The following RRM1 variants were observed in gnomAD, a reference collection of about 807,000 sequenced individuals.
RRM1 encodes ribonucleoside-diphosphate reductase large subunit.
In RRM1, 19 loss-of-function variants were observed where a neutral mutation model predicts 101.5. That is an observed-to-expected ratio of 0.19 (90% CI 0.13 to 0.27). The LOEUF (loss-of-function observed/expected upper bound fraction) is 0.27. Among genes scored for constraint, RRM1 ranks in the 10% least tolerant of loss-of-function variants. RRM1 has a pLI of 1.00. For synonymous variants in RRM1, 298 were observed against 323.4 expected (o/e 0.92, Z 0.84); for missense variants, 500 against 962.9 (o/e 0.52, Z 6.36).
chr11:4,126,580 T>A (rs914005080), intron 12 of RRM1, 104 bp from the exon 13 acceptor site: 2 of 1,025,804 alleles, frequency 1.9e-6, no homozygotes, highest in South Asian at 1.9e-5. Context: ...TATAAAAATT[T>A]AAAATTTTAA....
At chr11:4,123,980 TGAGA>T (rs1229026537) in intron 12 of RRM1, among the ~76,000 whole-genome samples, 1 of 152,124 alleles carries the variant, frequency 6.6e-6, no homozygotes, top group Non-Finnish European at 1.5e-5. Context: ...AAAAAAAGTT[TGAGA>T]GAGGAGCTTT....
intron 1 of RRM1, among the ~76,000 whole-genome samples, chr11:4,101,098 G>T (rs2094550287): frequency 6.6e-6 from 1 of 151,976 alleles, no homozygotes; most frequent in Admixed American, 6.6e-5. Context: ...AGGGGAAGGG[G>T]GATAAGAAGA....
intron 5 of RRM1, among the ~76,000 whole-genome samples, chr11:4,110,483 A>T (rs991425819): frequency 6.6e-6 from 1 of 152,140 alleles, no homozygotes; most frequent in Admixed American, 6.5e-5. Flanking sequence ...AGTGCCTATA[A>T]CAGGCTGGGC....
At chr11:4,134,213 C>T (rs1486289210) in intron 17 of RRM1, among the ~76,000 whole-genome samples, 1 of 152,064 alleles carries the variant, frequency 6.6e-6, no homozygotes, top group Non-Finnish European at 1.5e-5. Context: ...CTCAGGTGAT[C>T]CGCCTGCCTT....
chr11:4,111,734 C>T, intron 6 of RRM1, 94 bp downstream of exon 6: 1 of 1,269,644 alleles, frequency 7.9e-7, no homozygotes, highest in Non-Finnish European at 1.1e-6. Flanking sequence ...TGCTTAGACT[C>T]TAGATAACAT....
At chr11:4,133,724 A>G (rs531416551) in intron 17 of RRM1, 66 bp downstream of exon 17, 1 of 861,100 alleles carries the variant, frequency 1.2e-6, no homozygotes, top group African/African-American at 1.7e-5. Flanking sequence ...CTCCTCACTC[A>G]TGCTAGACAA....
chr11:4,116,716 A>T (rs1051692835), intron 7 of RRM1, among the ~76,000 whole-genome samples: 1 of 152,166 alleles, frequency 6.6e-6, no homozygotes, highest in African/African-American at 2.4e-5. Flanking sequence ...TCTGCCTGTA[A>T]TTCCAACACT....
At chr11:4,097,336 C>T (rs921076534) in intron 1 of RRM1, among the ~76,000 whole-genome samples, 1 of 147,356 alleles carries the variant, frequency 6.8e-6, no homozygotes, top group African/African-American at 2.5e-5. Flanking sequence ...CTCTAAAAAG[C>T]AGAGCTTATT....
intron 17 of RRM1, among the ~76,000 whole-genome samples, chr11:4,134,528 A>ATGTT (rs2094605832): frequency 6.6e-6 from 1 of 152,214 alleles, no homozygotes; most frequent in Admixed American, 6.5e-5. Context: ...GTCCTATAAC[A>ATGTT]GTTCCATATT....
intron 15 of RRM1, among the ~76,000 whole-genome samples, chr11:4,131,618 A>C (rs73419298): frequency 2.6e-5 from 4 of 152,182 alleles, no homozygotes; most frequent in Non-Finnish European, 4.4e-5. Context: ...TAAAATTGCT[A>C]TCAATTAGGC....
chr11:4,095,592 T>C (rs562469746), intron 1 of RRM1, among the ~76,000 whole-genome samples: 91 of 152,170 alleles, frequency 6.0e-4, no homozygotes, highest in Non-Finnish European at 1.0e-3. Flanking sequence ...GAGTGTGGCG[T>C]GGAAAAAACA....
Position 4,112,109 on chromosome 11 carries a change from G to A in RRM1, c.650+47G>A, listed in dbSNP as rs780356241. The A allele has an allele frequency of 5.5e-6, 8 of 1,446,506 alleles. No individual in the cohort carries two copies. In the African/African-American group the frequency reaches 7.1e-5, roughly 13 times the overall value. The allele number at this position is 1,446,506 out of a possible 1,614,324, so 89.6% of individuals were successfully genotyped here. A position where few individuals can be genotyped will look rare whatever the true frequency, so the allele number is the denominator to read the frequency against. ...ATACGCCTTGACCTGAAGAAACTGG[G>A]CAGTTAGTTCATCACATAAAAAATA... On this transcript the variant is annotated intron_variant, in intron 7 of 18. Coordinates refer to ENST00000300738, the MANE Select transcript of RRM1 (RefSeq NM_001033.5).
At chr11:4,107,709 C>T (rs1272596593) in intron 4 of RRM1, 174 bp downstream of exon 4, 4 of 583,252 alleles carry the variant, frequency 6.9e-6, no homozygotes, top group African/African-American at 5.6e-5. Context: ...TGTATTTTTC[C>T]AGAGCTATTT....
At chr11:4,096,812 C>G (rs1003887929) in intron 1 of RRM1, among the ~76,000 whole-genome samples, 1 of 151,810 alleles carries the variant, frequency 6.6e-6, no homozygotes, top group African/African-American at 2.4e-5. Flanking sequence ...GCTTGAGCAT[C>G]TATTTTTTAA....
In RRM1 at chr11:4,121,690, A is replaced by G. The variant is rs2094582100; in HGVS notation, c.963A>G (p.Glu321=). The G allele has an allele frequency of 3.1e-6, 5 of 1,613,952 alleles. No individual in the cohort carries two copies. The highest frequency in any genetic ancestry group is 8.5e-7 in the Non-Finnish European group (1 of 1,179,912). Residue 321 remains glutamate, a synonymous_variant, in exon 10 of 19, where the codon GAA becomes GAG. Coordinates refer to ENST00000300738, the MANE Select transcript of RRM1 (RefSeq NM_001033.5). ...FLDLKKNTGK[E]EQRARDLFFA... is the part of the protein sequence containing the mutation. Reference sequence around the variant, plus strand: ...ATTTAAAGAAGAACACAGGAAAGGAAGAGCAGCGTGCCAGAGATCTTTTCT... The same window carrying G: ...ATTTAAAGAAGAACACAGGAAAGGAGGAGCAGCGTGCCAGAGATCTTTTCT...
At chr11:4,130,076 ATATATATATATTTTTT>A (rs1190278866) in intron 15 of RRM1, among the ~76,000 whole-genome samples, 3 of 94,702 alleles carry the variant, frequency 3.2e-5, no homozygotes, top group Non-Finnish European at 5.8e-5. Context: ...TTATATATAT[ATATATATATATTTTTT>A]TTTTTTTTTT....
chr11:4,106,257 C>G (rs773588181), intron 3 of RRM1, 34 bp downstream of exon 3: 1 of 1,545,928 alleles, frequency 6.5e-7, no homozygotes, highest in Non-Finnish European at 8.9e-7. Flanking sequence ...AAATTTAGTA[C>G]TCTCAGAAAA....
chr11:4,121,708 T>C lies in RRM1; in HGVS notation c.981T>C (p.Asp327=). 1 of 1,613,706 alleles carries C rather than the reference T, an allele frequency of 6.2e-7. No individual in the cohort carries two copies. The highest frequency in any genetic ancestry group is 1.1e-5 in the South Asian group (1 of 90,984). ...NTGKEEQRAR[D]LFFALWIPDL... is the part of the protein sequence containing the mutation. Reference sequence around the variant, plus strand: ...GAAAGGAAGAGCAGCGTGCCAGAGATCTTTTCTTTGCTCTTTGGATTCCGG... The same window carrying C: ...GAAAGGAAGAGCAGCGTGCCAGAGACCTTTTCTTTGCTCTTTGGATTCCGG... Residue 327 remains aspartate (D), a synonymous_variant, in exon 10 of 19, where the codon GAT becomes GAC. Transcript: ENST00000300738.
rs756725882 is a variant in RRM1, at chr11:4,111,579, TTTG to T, written c.448-16_448-14del. The T allele has an allele frequency of 6.3e-7, 1 of 1,583,344 alleles. No individual in the cohort carries two copies. The highest frequency in any genetic ancestry group is 8.6e-7 in the Non-Finnish European group (1 of 1,162,724). On this transcript the variant is annotated intron_variant, in intron 5 of 18. Coordinates refer to ENST00000300738, the MANE Select transcript of RRM1 (RefSeq NM_001033.5). The stretch of plus-strand genomic sequence containing the variant: ...TTTAAAAACGGTGCTCTGAAAATTT[TTTG>T]TTGTTTCTCTCTTTCTAGACGCTAG...
Sources: gnomAD v4.1 joint callset for allele counts (sites outside exome capture counted in the v4.1 genomes callset) on GRCh38, gnomAD v4.1.1 for gene constraint, MANE v1.5 for transcripts, NCBI Gene and HGNC (gene_info 2026-07-23, HGNC 2026-07-21) for gene names.